The following CROT variants were observed in gnomAD, a reference collection of about 807,000 sequenced individuals.
CROT encodes carnitine O-octanoyltransferase, also known as peroxisomal carnitine O-octanoyltransferase.
In CROT, 84 loss-of-function variants were observed where a neutral mutation model predicts 89.2. The observed-to-expected ratio is 0.94, with a 90% CI of 0.79 to 1.13. The LOEUF (loss-of-function observed/expected upper bound fraction) is 1.13. CROT is among the 50% of genes most tolerant of loss of function. CROT has a pLI of 0.00. For missense variants in CROT, 711 were observed against 727.8 expected, an observed-to-expected ratio of 0.98 and a Z score of 0.27; for synonymous variants, 212 against 239.5, an observed-to-expected ratio of 0.89 and a Z score of 1.06.
At chr7:87,389,175 G>A (rs755565405) in intron 13 of CROT, among the ~76,000 whole-genome samples, 1 of 152,148 alleles carries the variant, frequency 6.6e-6, no homozygotes, top group Non-Finnish European at 1.5e-5. Context: ...ACTGTTGGTG[G>A]GAGTGTAAAT....
At chr7:87,397,829 A>G (rs1325309369) in intron 17 of CROT, among the ~76,000 whole-genome samples, 1 of 152,196 alleles carries the variant, frequency 6.6e-6, no homozygotes, top group Admixed American at 6.5e-5. Context: ...TGAAAATTGC[A>G]TGGTTTTCCA....
chr7:87,393,039 G>C lies in CROT; in HGVS notation c.1690G>C (p.Gly564Arg). ...VVVPMVHNGY[G>R]FFYHIRDDRF... The stretch of plus-strand genomic sequence containing the variant: ...AGTTCCCATGGTACACAATGGTTAT[G>C]GATTTTTCTACCATATCAGAGATGA... The change falls in exon 17 of 18, where the codon GGA becomes CGA. Residue 564 changes from glycine (G) to arginine (R), a missense_variant. Coordinates refer to ENST00000331536, the MANE Select transcript of CROT (RefSeq NM_021151.4). 6.2e-7 allele frequency: 1 copy of C among 1,613,384 alleles called. No individual in the cohort carries two copies. Among genetic ancestry groups the C allele is most frequent in the Non-Finnish European group, 8.5e-7 (1 of 1,179,558 alleles).
chr7:87,395,294 G>T (rs530245200), intron 17 of CROT, among the ~76,000 whole-genome samples: 41 of 152,242 alleles, frequency 2.7e-4, no homozygotes, highest in African/African-American at 9.4e-4. Context: ...TTTATATTCT[G>T]GCTGTGCTGG....
At chr7:87,383,758 A>G (rs1197361256) in intron 13 of CROT, among the ~76,000 whole-genome samples, 1 of 152,062 alleles carries the variant, frequency 6.6e-6, no homozygotes, top group African/African-American at 2.4e-5. Flanking sequence ...TGGCCTCCCA[A>G]AGTGCTGGGA....
intron 11 of CROT, 38 bp from the exon 12 acceptor site, chr7:87,382,036 C>G (rs748672062): frequency 6.4e-7 from 1 of 1,570,236 alleles, no homozygotes; most frequent in African/African-American, 1.4e-5. Context: ...CCTAATAGTT[C>G]TATAGATAAA....
At chr7:87,377,087 C>G (rs1038564373) in intron 9 of CROT, among the ~76,000 whole-genome samples, 6 of 152,232 alleles carry the variant, frequency 3.9e-5, no homozygotes, top group Middle Eastern at 3.4e-3. Context: ...TGTAAACATT[C>G]ATGAATATTG....
intron 3 of CROT, among the ~76,000 whole-genome samples, chr7:87,349,434 G>T (rs927733865): frequency 6.6e-6 from 1 of 152,136 alleles, no homozygotes; most frequent in African/African-American, 2.4e-5. Context: ...TTACATAGGG[G>T]TCTTATCGAT....
chr7:87,365,602 G>A lies in CROT; in HGVS notation c.547+3750G>A, dbSNP rs1168228853. Among the ~76,000 whole-genome samples, 14 of 146,246 alleles carry A rather than the reference G, an allele frequency of 9.6e-5. No individual in the cohort carries two copies. In the South Asian group the frequency reaches 1.3e-3, roughly 14 times the overall value. ...AATAAGGAGGCTATAATTAAAACTA[G>A]TTTTTTGTTTTTTGTTTGTCTTTTT... is the stretch of plus-strand genomic sequence containing the variant. On this transcript the variant is annotated intron_variant, in intron 6 of 17. Transcript: ENST00000331536.
intron 5 of CROT, 25 bp downstream of exon 5, chr7:87,361,596 A>G (rs1391312052): frequency 1.3e-6 from 2 of 1,565,952 alleles, no homozygotes; most frequent in African/African-American, 2.8e-5. Flanking sequence ...GAATTTAGTG[A>G]CAGGCTTACC....
chr7:87,359,525 A>G, intron 4 of CROT, 195 bp downstream of exon 4: 1 of 1,329,400 alleles, frequency 7.5e-7, no homozygotes, highest in Non-Finnish European at 9.6e-7. Context: ...TAAAATGCAG[A>G]TTTGCTGGGA....
chr7:87,346,982 G>A (rs546024971), intron 2 of CROT, among the ~76,000 whole-genome samples: 18 of 152,276 alleles, frequency 1.2e-4, no homozygotes, highest in African/African-American at 4.3e-4. Flanking sequence ...CAGATTGTTG[G>A]TAGAATTCAC....
chr7:87,353,323 A>G (rs1805937950), intron 3 of CROT, among the ~76,000 whole-genome samples: 1 of 151,790 alleles, frequency 6.6e-6, no homozygotes, highest in Non-Finnish European at 1.5e-5. Flanking sequence ...AACTTTTTGT[A>G]GTTTTAGTAG....
At chr7:87,393,182 A>G (rs754713675) in intron 17 of CROT, 115 bp downstream of exon 17, 27 of 1,142,548 alleles carry the variant, frequency 2.4e-5, no homozygotes, top group Non-Finnish European at 3.0e-5. Context: ...CACTTGCTAC[A>G]TAAGTAACTA....
intron 3 of CROT, among the ~76,000 whole-genome samples, chr7:87,349,767 A>C (rs1371989614): frequency 1.3e-5 from 2 of 152,104 alleles, no homozygotes; most frequent in Non-Finnish European, 2.9e-5. Context: ...GGCTCTCCTG[A>C]GCTCCTGCTT....
At position 87,349,130 on chromosome 7, in the gene CROT, C is replaced by T. The variant is rs1196803298; in HGVS notation, c.62C>T (p.Pro21Leu). 2 of 1,607,130 alleles carry T rather than the reference C, an allele frequency of 1.2e-6. No individual in the cohort carries two copies. Among genetic ancestry groups the T allele is most frequent in the Admixed American group, 1.7e-5 (1 of 59,608 alleles). Reference sequence around the variant, plus strand: ...ACATTTCAGTACCAGGATTCTCTTCCATCACTGCCTGTTCCTTCACTTGAA... The same window carrying T: ...ACATTTCAGTACCAGGATTCTCTTCTATCACTGCCTGTTCCTTCACTTGAA... ...ERTFQYQDSLPSLPVPSLEES... is the reference protein window; with the variant it reads ...ERTFQYQDSLLSLPVPSLEES... Residue 21 changes from proline to leucine, a missense_variant, in exon 3 of 18, where the codon CCA (proline) becomes CTA (leucine). Transcript: ENST00000331536.
At chr7:87,359,592 T>A in intron 4 of CROT, 1 of 1,212,644 alleles carries the variant, frequency 8.2e-7, no homozygotes, top group Non-Finnish European at 1.0e-6. Flanking sequence ...ATTTTAACAA[T>A]CACTTCATGT....
At chr7:87,393,716 A>C in intron 17 of CROT, among the ~76,000 whole-genome samples, 1 of 152,328 alleles carries the variant, frequency 6.6e-6, no homozygotes, top group African/African-American at 2.4e-5. Flanking sequence ...ATTTAGCACT[A>C]TGTGAATAAG....
chr7:87,382,806 G>T (rs534633580), intron 13 of CROT, among the ~76,000 whole-genome samples: 7 of 152,160 alleles, frequency 4.6e-5, no homozygotes, highest in Admixed American at 3.9e-4. Context: ...GTCATCTTTG[G>T]CATTCAGATC....
In CROT at chr7:87,349,187, T is replaced by C; in HGVS notation, c.115+4T>C. On this transcript the variant is annotated splice_donor_region_variant and intron_variant, in intron 3 of 17. Transcript: ENST00000331536. ...TTAAAAAAATACCTTGAATCAGGTATGTTAATAATCTTTTAGTATATATTA... is the reference window on the plus strand; with the variant it reads ...TTAAAAAAATACCTTGAATCAGGTACGTTAATAATCTTTTAGTATATATTA... 6.9e-7 allele frequency: 1 copy of C among 1,439,228 alleles called. No homozygotes were observed. The highest frequency in any genetic ancestry group is 9.7e-7 in the Non-Finnish European group (1 of 1,032,356). 89.2% of individuals were successfully genotyped at this position (1,439,228 alleles called of 1,614,324 possible).
Sources: gnomAD v4.1 joint callset for allele counts (sites outside exome capture counted in the v4.1 genomes callset) on GRCh38, gnomAD v4.1.1 for gene constraint, MANE v1.5 for transcripts, NCBI Gene and HGNC (gene_info 2026-07-23, HGNC 2026-07-21) for gene names.